Variants in PIK3R1 observed in about 807,000 individuals in gnomAD.
PIK3R1 encodes the protein phosphoinositide-3-kinase regulatory subunit 1.
PIK3R1 carries 29 observed loss-of-function variants against 98.0 expected under a neutral mutation model. The ratio of observed to expected loss-of-function variants is 0.30; its 90% CI spans 0.22 to 0.40. The LOEUF (loss-of-function observed/expected upper bound fraction) is 0.40. PIK3R1 is among the 10% of genes least tolerant of loss of function. The pLI is 1.00. For synonymous variants in PIK3R1, 282 were observed against 311.8 expected (o/e 0.90, Z 1.01); for missense variants, 596 against 872.7 (o/e 0.68, Z 3.99).
chr5:68,251,786 TCA>T (rs1745319104), intron 2 of PIK3R1, among the ~76,000 whole-genome samples: 1 of 152,198 alleles, frequency 6.6e-6, no homozygotes, highest in Admixed American at 6.5e-5. Flanking sequence ...CCAAAGGAAA[TCA>T]CACAGTTGAC....
intron 9 of PIK3R1, 33 bp downstream of exon 9, chr5:68,293,232 T>G (rs376842417): frequency 1.3e-5 from 20 of 1,599,834 alleles, no homozygotes; most frequent in Non-Finnish European, 1.5e-5. Flanking sequence ...AATTAGGGTT[T>G]TGGGCTGATA....
intron 4 of PIK3R1, 37 bp from the exon 5 acceptor site, chr5:68,279,560 TATAAA>T (rs756491985): frequency 6.4e-6 from 10 of 1,563,096 alleles, no homozygotes; most frequent in Non-Finnish European, 8.8e-6. Context: ...TGATGTATTC[TATAAA>T]ATAAATGTCT....
rs1747818165 is a variant in PIK3R1 at position 68,297,845 on chromosome 5, T to TG, written c.*244_*245insG. The TG allele has an allele frequency of 2.9e-6, 1 of 346,878 alleles. No homozygotes were observed. The highest frequency in any genetic ancestry group is 1.0e-4 in the South Asian group (1 of 9,698). 21.5% of individuals were successfully genotyped at this position (346,878 alleles called of 1,614,324 possible). A position where few individuals can be genotyped will look rare whatever the true frequency, so the allele number is the denominator to read the frequency against. ...CCTTCTTTTTCTTTTTTTCTTTGGT[T>TG]TAATTTAAAGCCACAACCACATACA... On this transcript the variant is annotated 3_prime_UTR_variant, in exon 16 of 16. Coordinates refer to ENST00000521381, the MANE Select transcript of PIK3R1 (RefSeq NM_181523.3).
intron 2 of PIK3R1, among the ~76,000 whole-genome samples, chr5:68,246,104 T>G (rs1202793605): frequency 1.3e-5 from 2 of 152,238 alleles, no homozygotes; most frequent in African/African-American, 2.4e-5. Flanking sequence ...CCTTGAAGGA[T>G]GTTTTCTGGT....
chr5:68,253,209 A>T (rs2112076267), intron 2 of PIK3R1, among the ~76,000 whole-genome samples: 1 of 152,212 alleles, frequency 6.6e-6, no homozygotes, highest in South Asian at 2.1e-4. Flanking sequence ...TTTAGAGTAG[A>T]TTTCGCTTAT....
rs565765254 is a variant in PIK3R1 at position 68,274,005 on chromosome 5, T to G, written c.494T>G (p.Leu165Arg). 6.2e-7 allele frequency: 1 copy of G among 1,613,308 alleles called. No individual in the cohort carries two copies. Among genetic ancestry groups the G allele is most frequent in the South Asian group, 1.1e-5 (1 of 91,074 alleles). The part of the protein sequence containing the change: ...SSNLAELRQL[L>R]DCDTPSVDLE... ...AACCTGGCAGAATTACGACAGCTTC[T>G]TGATTGTGGTGAGTGTCACAGAGCT... The change falls in exon 4 of 16, where the codon CTT becomes CGT. Residue 165 changes from leucine (L) to arginine (R), a missense_variant. By Grantham distance (102) the Leu-to-Arg change is moderately radical. Around this residue, in one of 3 missense-constraint regions of PIK3R1, gnomAD observed 352 missense variants for 393.3 expected, o/e 0.90. Transcript: ENST00000521381.
Position 68,301,311 on chromosome 5 carries a change from C to A in PIK3R1, c.*3710C>A, listed in dbSNP as rs1470673073. ...TCCAACTTAACATGAAACTTGTCAC[C>A]ATGAGATAGCATTAGCTGCCCAGGA... On this transcript the variant is annotated 3_prime_UTR_variant, in exon 16 of 16. Coordinates refer to ENST00000521381, the MANE Select transcript of PIK3R1 (RefSeq NM_181523.3). 1 of 156,848 alleles carries A rather than the reference C, an allele frequency of 6.4e-6. No homozygotes were observed. Among genetic ancestry groups the A allele is most frequent in the Non-Finnish European group, 1.3e-5 (1 of 77,966 alleles). The allele number at this position is 156,848 out of a possible 1,614,324, so 9.7% of individuals were successfully genotyped here.
rs1245172623 is a variant in PIK3R1 at position 68,300,184 on chromosome 5, A to G, written c.*2583A>G. The G allele has an allele frequency of 2.1e-5, 5 of 233,148 alleles. No individual in the cohort carries two copies. The highest frequency in any genetic ancestry group is 4.2e-5 in the Non-Finnish European group (5 of 118,036). The allele number at this position is 233,148 out of a possible 1,614,324, so 14.4% of individuals were successfully genotyped here. A position where few individuals can be genotyped will look rare whatever the true frequency, so the allele number is the denominator to read the frequency against. On this transcript the variant is annotated 3_prime_UTR_variant, in exon 16 of 16. Transcript: ENST00000521381. The stretch of plus-strand genomic sequence containing the variant: ...TGCCTTATTTTTGCATCTCACAAAC[A>G]TAAGTGCAATAGATCTTTTCATTGA...
At chr5:68,246,337 A>C (rs1745083412) in intron 2 of PIK3R1, among the ~76,000 whole-genome samples, 1 of 144,498 alleles carries the variant, frequency 6.9e-6, no homozygotes, top group Non-Finnish European at 1.5e-5. Context: ...TTTTTGAGAC[A>C]GAGTTTTACT....
At chr5:68,239,249 T>TA (rs1744784716) in intron 2 of PIK3R1, among the ~76,000 whole-genome samples, 1 of 152,174 alleles carries the variant, frequency 6.6e-6, no homozygotes, top group African/African-American at 2.4e-5. Flanking sequence ...ATCAAAATAA[T>TA]AAAACTATAA....
Position 68,293,210 on chromosome 5 carries a change from G to A in PIK3R1, c.1118+11G>A, listed in dbSNP as rs140892282. 1.1e-3 allele frequency: 1,811 copies of A among 1,607,142 alleles called. 21 individuals are homozygous for A. In the African/African-American group the frequency reaches 0.022, roughly 19 times the overall value. ...TACTCTTACACTAAGGTAAGCCAGG[G>A]AATATAGCTGAAATTAGGGTTTTGG... is the stretch of plus-strand genomic sequence containing the variant. On this transcript the variant is annotated intron_variant, in intron 9 of 15. Transcript: ENST00000521381.
chr5:68,239,900 A>G (rs1002493855), intron 2 of PIK3R1: 1 of 502,982 alleles, frequency 2.0e-6, no homozygotes, highest in African/African-American at 1.9e-5. Flanking sequence ...TATTCCTTAC[A>G]GCAAAAGAAC....
chr5:68,262,634 C>CCT (rs1561278102), intron 2 of PIK3R1, among the ~76,000 whole-genome samples: 1 of 136,334 alleles, frequency 7.3e-6, no homozygotes, highest in African/African-American at 2.9e-5. Context: ...TGCATGTATA[C>CCT]ACATGTATAC....
intron 7 of PIK3R1, among the ~76,000 whole-genome samples, chr5:68,281,917 G>T (rs1278654739): frequency 6.6e-6 from 1 of 152,156 alleles, no homozygotes; most frequent in Non-Finnish European, 1.5e-5. Context: ...GCCAGGCTTG[G>T]TTACTTGCAT....
At chr5:68,290,633 C>A (rs191923530) in intron 7 of PIK3R1, 24 of 1,461,802 alleles carry the variant, frequency 1.6e-5, no homozygotes, top group Middle Eastern at 3.6e-4. Flanking sequence ...TCAGTGCAGC[C>A]CCTTATAGGT....
At chr5:68,219,560 C>G (rs1264723892) in intron 1 of PIK3R1, among the ~76,000 whole-genome samples, 1 of 152,226 alleles carries the variant, frequency 6.6e-6, no homozygotes, top group African/African-American at 2.4e-5. Context: ...TGTACACATC[C>G]CTTGGCCTCT....
chr5:68,236,284 C>G (rs1218306399), intron 2 of PIK3R1, among the ~76,000 whole-genome samples: 7 of 151,970 alleles, frequency 4.6e-5, no homozygotes, highest in African/African-American at 1.7e-4. Context: ...GAGTCTCGCT[C>G]TGTCGCCCGG....
At chr5:68,243,640 T>A (rs1744951771) in intron 2 of PIK3R1, among the ~76,000 whole-genome samples, 1 of 152,230 alleles carries the variant, frequency 6.6e-6, no homozygotes, top group African/African-American at 2.4e-5. Flanking sequence ...TTCTTTTCCT[T>A]TAGTGACAGT....
chr5:68,236,090 C>T (rs1351334268), intron 2 of PIK3R1, among the ~76,000 whole-genome samples: 1 of 151,322 alleles, frequency 6.6e-6, no homozygotes, highest in Non-Finnish European at 1.5e-5. Flanking sequence ...AGGCTGGTCT[C>T]GAACTCCTAA....
Sources: gnomAD v4.1 joint callset for allele counts (sites outside exome capture counted in the v4.1 genomes callset) on GRCh38, gnomAD v4.1.1 for gene constraint, gnomAD v4.1.1 regional missense constraint, MANE v1.5 for transcripts, NCBI Gene and HGNC (gene_info 2026-07-23, HGNC 2026-07-21) for gene names.